MGA: variants seen among roughly 807,000 people sequenced by gnomAD.
The protein encoded by MGA is MAX dimerization protein MGA.
MGA carries 40 observed loss-of-function variants against 261.1 expected under a neutral mutation model. The observed-to-expected ratio is 0.15, with a 90% CI of 0.12 to 0.20. MGA has a LOEUF of 0.20. Ranked by LOEUF, MGA falls within the 10% of genes least tolerant of loss-of-function variation. The pLI is 1.00. For synonymous variants in MGA, 1,302 were observed against 1,290.6 expected, an observed-to-expected ratio of 1.01 and a Z score of -0.19; for missense variants, 3,397 against 3,630.5, an observed-to-expected ratio of 0.94 and a Z score of 1.65.
In MGA at chr15:41,669,785, T is replaced by G; in HGVS notation, c.891T>G (p.Gly297=). The G allele has an allele frequency of 6.2e-7, 1 of 1,613,934 alleles. No individual in the cohort carries two copies. The highest frequency in any genetic ancestry group is 8.5e-7 in the Non-Finnish European group (1 of 1,179,866). The change falls in exon 2 of 24, where the codon GGT becomes GGG. Residue 297 remains glycine, a synonymous_variant. Transcript: ENST00000219905. ...GTCATCGGGTCCGTCTTACAGAAGG[T>G]CAGGGGTCAGAGATACAACCAGGTG...
intron 1 of MGA, among the ~76,000 whole-genome samples, chr15:41,623,164 TG>T (rs1339442657): frequency 1.3e-5 from 2 of 152,202 alleles, no homozygotes; most frequent in Admixed American, 1.3e-4. Flanking sequence ...TTTGAAAATT[TG>T]CCAAATGGTT....
chr15:41,692,508 G>A (rs2059339390), intron 2 of MGA, among the ~76,000 whole-genome samples: 1 of 152,118 alleles, frequency 6.6e-6, no homozygotes, highest in South Asian at 2.1e-4. Flanking sequence ...TGCTGCTTAG[G>A]GTTGAAAGCA....
Position 41,742,607 on chromosome 15 carries a change from G to A in MGA, c.4647G>A (p.Leu1549=). ...TTGTGATGAGTAAAGTTGGAGCCTT[G>A]CAGCAGAAGATACCTGGAGTTAGCA... The change falls in exon 15 of 24, where the codon TTG becomes TTA. Residue 1549 remains leucine (L), a synonymous_variant. Coordinates refer to ENST00000219905, the MANE Select transcript of MGA (RefSeq NM_001164273.2). 6.2e-7 allele frequency: 1 copy of A among 1,613,906 alleles called. No homozygotes were observed. The highest frequency in any genetic ancestry group is 8.5e-7 in the Non-Finnish European group (1 of 1,179,878).
intron 1 of MGA, among the ~76,000 whole-genome samples, chr15:41,639,075 T>A (rs879357563): frequency 1.5e-4 from 23 of 152,174 alleles, no homozygotes; most frequent in Admixed American, 1.5e-3. Context: ...TCAAGTGATC[T>A]CACATCTCAG....
At chr15:41,709,509 A>G (rs1379577620) in intron 7 of MGA, among the ~76,000 whole-genome samples, 1 of 151,908 alleles carries the variant, frequency 6.6e-6, no homozygotes, top group African/African-American at 2.4e-5. Flanking sequence ...CAGTGGTCCA[A>G]TCTCAGCTCA....
intron 2 of MGA, chr15:41,684,379 A>G: frequency 2.2e-6 from 1 of 453,710 alleles, no homozygotes; most frequent in Non-Finnish European, 4.4e-6. Context: ...TTTGTAATTC[A>G]TTGATTTTGC....
intron 9 of MGA, among the ~76,000 whole-genome samples, chr15:41,722,314 A>G (rs1344159767): frequency 6.6e-6 from 1 of 152,000 alleles, no homozygotes; most frequent in Admixed American, 6.6e-5. Context: ...TATTTTTAGT[A>G]GAAACGGGGT....
chr15:41,743,165 G>T lies in MGA; in HGVS notation c.5205G>T (p.Gln1735His). The T allele has an allele frequency of 6.2e-7, 1 of 1,608,066 alleles. No individual in the cohort carries two copies. Reference sequence around the variant, plus strand: ...TTAATGGGAGTCCACCAGTGAGCCAGAGACCAGGTAAGGCCTAGATGTTAC... The same window carrying T: ...TTAATGGGAGTCCACCAGTGAGCCATAGACCAGGTAAGGCCTAGATGTTAC... Residue 1735 changes from glutamine to histidine, a missense_variant, in exon 15 of 24, where the codon CAG becomes CAT. By Grantham distance (24) the Gln-to-His change is conservative. Transcript: ENST00000219905.
At chr15:41,754,722 T>G (rs1400418809) in intron 18 of MGA, among the ~76,000 whole-genome samples, 155 bp downstream of exon 18, 1 of 152,194 alleles carries the variant, frequency 6.6e-6, no homozygotes, top group East Asian at 1.9e-4. Context: ...AACTAGAATT[T>G]GGGTAATTAA....
chr15:41,659,418 C>G (rs916501157), upstream of MGA, among the ~76,000 whole-genome samples: 1 of 152,204 alleles, frequency 6.6e-6, no homozygotes, highest in Middle Eastern at 3.2e-3. Flanking sequence ...TAATTCTTAT[C>G]AAAGAAGGCA....
At chr15:41,657,696 A>C (rs2057235230), upstream of MGA, among the ~76,000 whole-genome samples, 1 of 147,330 alleles carries the variant, frequency 6.8e-6, no homozygotes, top group South Asian at 2.2e-4. Context: ...AAAAAAAAAA[A>C]CAAGCATCTT....
intron 5 of MGA, among the ~76,000 whole-genome samples, chr15:41,705,568 C>G (rs1258001644): frequency 6.6e-6 from 1 of 152,030 alleles, no homozygotes; most frequent in Non-Finnish European, 1.5e-5. Context: ...TAACCTGTTG[C>G]CCAGACTCAT....
At chr15:41,712,535 T>C (rs994148588) in intron 8 of MGA, among the ~76,000 whole-genome samples, 1 of 152,210 alleles carries the variant, frequency 6.6e-6, no homozygotes, top group African/African-American at 2.4e-5. Flanking sequence ...TTACTTTTTT[T>C]ACTTTCCATT....
intron 9 of MGA, among the ~76,000 whole-genome samples, chr15:41,717,868 A>G (rs2060721787): frequency 6.6e-6 from 1 of 152,172 alleles, no homozygotes; most frequent in Non-Finnish European, 1.5e-5. Flanking sequence ...CCAACAGTAT[A>G]TTTAAAGAAT....
intron 5 of MGA, among the ~76,000 whole-genome samples, chr15:41,703,022 G>T (rs2059927532): frequency 6.6e-6 from 1 of 152,112 alleles, no homozygotes. Context: ...ATTTGTTACA[G>T]TTAGTGAACC....
In MGA at chr15:41,766,680, G is replaced by A. The variant is rs532836023; in HGVS notation, c.8598G>A (p.Lys2866=). ...ATGCTCGGCGGGCTTTTATTAGTAA[G>A]GTTCCTCCTGGAAGCAGAGCAACTT... The change falls in exon 24 of 24, where the codon AAG becomes AAA. Residue 2866 remains lysine, a synonymous_variant. Coordinates refer to ENST00000219905, the MANE Select transcript of MGA (RefSeq NM_001164273.2). The A allele has an allele frequency of 7.4e-6, 12 of 1,613,974 alleles. No individual in the cohort carries two copies. The highest frequency in any genetic ancestry group is 6.7e-5 in the Admixed American group (4 of 60,008).
intron 5 of MGA, 92 bp from the exon 6 acceptor site, chr15:41,707,636 C>T (rs531613157): frequency 4.1e-5 from 50 of 1,226,602 alleles, no homozygotes; most frequent in Admixed American, 1.7e-4. Context: ...CTTACCCCCC[C>T]GCCATCTCCC....
chr15:41,650,605 C>G (rs1013803865), intron 1 of MGA, among the ~76,000 whole-genome samples: 1 of 151,848 alleles, frequency 6.6e-6, no homozygotes, highest in African/African-American at 2.4e-5. Flanking sequence ...GCCTGGCCAA[C>G]TTTTGTATTT....
chr15:41,707,307 G>C (rs1030368505), intron 5 of MGA, among the ~76,000 whole-genome samples: 1 of 152,202 alleles, frequency 6.6e-6, no homozygotes, highest in Non-Finnish European at 1.5e-5. Flanking sequence ...GGCCAGGCCT[G>C]GTTTCTCAGA....
Sources: gnomAD v4.1 joint callset for allele counts (sites outside exome capture counted in the v4.1 genomes callset) on GRCh38, gnomAD v4.1.1 for gene constraint, MANE v1.5 for transcripts, NCBI Gene and HGNC (gene_info 2026-07-23, HGNC 2026-07-21) for gene names.